ZNF510: variants seen among roughly 807,000 people sequenced by gnomAD.
ZNF510 encodes the protein zinc finger protein 510.
Under a neutral mutation model 18.1 loss-of-function variants are expected in ZNF510, and 15 were observed. The observed-to-expected ratio is 0.83, with a 90% CI of 0.55 to 1.28. The LOEUF (loss-of-function observed/expected upper bound fraction) is 1.28, where lower values mean the gene tolerates loss of function less well. Ranked by LOEUF, ZNF510 falls within the 50% of genes most tolerant of loss-of-function variation. ZNF510 has a pLI of 0.00. For missense variants in ZNF510, 724 were observed against 791.8 expected, an observed-to-expected ratio of 0.91 and a Z score of 1.03; for synonymous variants, 261 against 266.4, an observed-to-expected ratio of 0.98 and a Z score of 0.20.
Position 96,760,125 on chromosome 9 carries a change from G to T in ZNF510, c.705C>A (p.Leu235=). 1 of 1,609,746 alleles carries T rather than the reference G, an allele frequency of 6.2e-7. No individual in the cohort carries two copies. Among genetic ancestry groups the T allele is most frequent in the South Asian group, 1.1e-5 (1 of 89,874 alleles). Residue 235 remains leucine (L), a synonymous_variant, in exon 6 of 6, where the codon CTC becomes CTA. Coordinates refer to ENST00000223428, the MANE Select transcript of ZNF510 (RefSeq NM_014930.3). The part of the protein sequence containing the change: ...FYEHNKNMKA[L]NYNENLPKHP... ...GCTTGGGAAGATTTTCATTATAATT[G>T]AGAGCTTTCATGTTTTTATTATGTT...
Position 96,760,415 on chromosome 9 carries a change from GC to G in ZNF510, c.414del (p.Glu138AspfsTer11). On this transcript the variant is annotated frameshift_variant, in exon 6 of 6. Coordinates refer to ENST00000223428, the MANE Select transcript of ZNF510 (RefSeq NM_014930.3). LOFTEE classifies it low-confidence loss of function (END_TRUNC). ...QNKKIKDKHLEQAICINNKTL... is the reference protein window; with the variant it reads ...QNKKIKDKHLXQAICINNKTL... ...GTTTTATTATTGATACATATTGCTT[GC>G]TCCAAGTGTTTGTCTTTGATTTTCT... The G allele has an allele frequency of 6.2e-7, 1 of 1,612,722 alleles. No individual in the cohort carries two copies. Among genetic ancestry groups the G allele is most frequent in the Non-Finnish European group, 8.5e-7 (1 of 1,179,554 alleles).
At position 96,759,967 on chromosome 9, in the gene ZNF510, C is replaced by T; in HGVS notation, c.863G>A (p.Arg288Lys). Residue 288 changes from arginine (R) to lysine (K), a missense_variant, in exon 6 of 6, where the codon AGG becomes AAG. Arg to Lys is a conservative substitution (Grantham distance 26, BLOSUM62 2). Coordinates refer to ENST00000223428, the MANE Select transcript of ZNF510 (RefSeq NM_014930.3). ...GAGAGTTTTCTTATCACAATTTTTC[C>T]TAAATTCATCATCTTTAGAGGATGT... is the stretch of plus-strand genomic sequence containing the variant. ...GETSSKDDEF[R>K]KNCDKKTLFD... 6.2e-7 allele frequency: 1 copy of T among 1,613,266 alleles called. No homozygotes were observed. Among genetic ancestry groups the T allele is most frequent in the Non-Finnish European group, 8.5e-7 (1 of 1,179,928 alleles).
rs751971498 is a variant in ZNF510, at chr9:96,759,193, C to A, written c.1637G>T (p.Cys546Phe). 9 of 1,613,946 alleles carry A rather than the reference C, an allele frequency of 5.6e-6. No homozygotes were observed. In the East Asian group the frequency reaches 1.1e-4, roughly 20 times the overall value. ...RTHTGEKTYQ[C>F]NECEKSFWRK... ...CCAGAAGGATTTTTCACATTCATTA[C>A]ACTGGTAAGTTTTCTCCCCAGTGTG... Residue 546 changes from cysteine to phenylalanine, a missense_variant, in exon 6 of 6, where the codon TGT becomes TTT. Transcript: ENST00000223428.
chr9:96,759,110 A>G lies in ZNF510; in HGVS notation c.1720T>C (p.Cys574Arg). 6.2e-7 allele frequency: 1 copy of G among 1,614,110 alleles called. No individual in the cohort carries two copies. Among genetic ancestry groups the G allele is most frequent in the Non-Finnish European group, 8.5e-7 (1 of 1,180,000 alleles). The part of the protein sequence containing the change: ...KTHTGEKPFK[C>R]NECGKTFART... The stretch of plus-strand genomic sequence containing the variant: ...GCAAAAGTTTTCCCACATTCGTTAC[A>G]TTTGAATGGTTTCTCTCCCGTGTGA... The change falls in exon 6 of 6, where the codon TGT (cysteine) becomes CGT (arginine). Residue 574 changes from cysteine (C) to arginine (R), a missense_variant. Coordinates refer to ENST00000223428, the MANE Select transcript of ZNF510 (RefSeq NM_014930.3).
chr9:96,762,388 A>G (rs963609953), intron 5 of ZNF510, among the ~76,000 whole-genome samples: 6 of 151,700 alleles, frequency 4.0e-5, no homozygotes, highest in African/African-American at 1.5e-4. Flanking sequence ...AGGTGCCTGT[A>G]CTGCCAGCTA....
Position 96,758,146 on chromosome 9 carries a change from AT to A in ZNF510, c.*631del, listed in dbSNP as rs1849240263. On this transcript the variant is annotated 3_prime_UTR_variant, in exon 6 of 6. Transcript: ENST00000223428. ...AGGGGGGACTACTGTATAAGCTTAA[AT>A]TTTGCTCACATAATGTTCAACTGGG... 1 of 152,250 alleles carries A rather than the reference AT, an allele frequency of 6.6e-6. No homozygotes were observed. Among genetic ancestry groups the A allele is most frequent in the Admixed American group, 6.5e-5 (1 of 15,292 alleles). 9.4% of individuals were successfully genotyped at this position (152,250 alleles called of 1,614,324 possible). A position where few individuals can be genotyped will look rare whatever the true frequency, so the allele number is the denominator to read the frequency against.
At chr9:96,770,612 AAT>A (rs555276089) in intron 3 of ZNF510, among the ~76,000 whole-genome samples, 5,363 of 133,764 alleles carry the variant, frequency 0.04, 228 homozygotes, top group African/African-American at 0.14. Context: ...TCAAAAAAAA[AAT>A]ATATATATAT....
intron 3 of ZNF510, among the ~76,000 whole-genome samples, chr9:96,766,697 C>T (rs571219747): frequency 6.6e-5 from 10 of 152,012 alleles, no homozygotes; most frequent in East Asian, 1.9e-4. Flanking sequence ...AATCATACAG[C>T]GTAGCTTTAG....
intron 3 of ZNF510, among the ~76,000 whole-genome samples, chr9:96,766,723 T>C (rs1299878963): frequency 6.6e-6 from 1 of 152,092 alleles, no homozygotes; most frequent in African/African-American, 2.4e-5. Flanking sequence ...AGCTTAGAGA[T>C]GTAGAGAGCT....
rs138235342 is a variant in ZNF510 at position 96,758,837 on chromosome 9, A to T, written c.1993T>A (p.Cys665Ser). ...SYECNEYGKLCKKSTLSLYQK... is the reference protein window; with the variant it reads ...SYECNEYGKLSKKSTLSLYQK... ...TATAAGCTTAGGGTAGACTTCTTAC[A>T]TAATTTCCCATATTCATTGCATTCA... Residue 665 changes from cysteine (C) to serine (S), a missense_variant, in exon 6 of 6, where the codon TGT becomes AGT. By Grantham distance (112) the Cys-to-Ser change is moderately radical. Transcript: ENST00000223428. 1 of 1,612,918 alleles carries T rather than the reference A, an allele frequency of 6.2e-7. No homozygotes were observed. The highest frequency in any genetic ancestry group is 1.7e-5 in the Admixed American group (1 of 59,944).
intron 2 of ZNF510, 97 bp from the exon 3 acceptor site, chr9:96,774,943 A>C (rs1849659158): frequency 1.0e-6 from 1 of 1,004,238 alleles, no homozygotes; most frequent in South Asian, 1.4e-5. Context: ...GCCTCTCTAC[A>C]AAAAATGTTC....
chr9:96,759,408 G>T lies in ZNF510; in HGVS notation c.1422C>A (p.Thr474=), dbSNP rs560696861. 3.1e-6 allele frequency: 5 copies of T among 1,613,948 alleles called. No individual in the cohort carries two copies. Among genetic ancestry groups the T allele is most frequent in the African/African-American group, 1.3e-5 (1 of 74,892 alleles). ...ECGKTFVQKS[T]LRGHQRIHTG... is the part of the protein sequence containing the mutation. ...TGTGAATTCTTTGATGTCCCCTGAGGGTTGACTTCTGGACAAATGTTTTTC... is the reference window on the plus strand; with the variant it reads ...TGTGAATTCTTTGATGTCCCCTGAGTGTTGACTTCTGGACAAATGTTTTTC... The change falls in exon 6 of 6, where the codon ACC becomes ACA. Residue 474 remains threonine, a synonymous_variant. Coordinates refer to ENST00000223428, the MANE Select transcript of ZNF510 (RefSeq NM_014930.3).
intron 5 of ZNF510, among the ~76,000 whole-genome samples, chr9:96,761,908 C>G (rs1219764130): frequency 6.6e-6 from 1 of 151,876 alleles, no homozygotes; most frequent in East Asian, 1.9e-4. Flanking sequence ...TTATGTATTC[C>G]AGAGAACATA....
chr9:96,773,907 G>A (rs371062439), intron 3 of ZNF510, among the ~76,000 whole-genome samples: 36 of 152,172 alleles, frequency 2.4e-4, no homozygotes, highest in Middle Eastern at 3.4e-3. Context: ...GACTTCACCC[G>A]GCCCCCGATG....
intron 3 of ZNF510, among the ~76,000 whole-genome samples, chr9:96,764,735 T>C (rs1588128306): frequency 6.6e-6 from 1 of 152,196 alleles, no homozygotes; most frequent in East Asian, 1.9e-4. Context: ...GAAAAAGATA[T>C]ACCATATAAT....
At chr9:96,768,154 C>CAG (rs1849514098) in intron 3 of ZNF510, among the ~76,000 whole-genome samples, 3 of 152,066 alleles carry the variant, frequency 2.0e-5, no homozygotes, top group Non-Finnish European at 4.4e-5. Context: ...AAGCATTTGA[C>CAG]AAAAATATCC....
rs1849268124 is a variant in ZNF510, at chr9:96,759,070, A to G, written c.1760T>C (p.Leu587Pro). The G allele has an allele frequency of 6.2e-7, 1 of 1,613,894 alleles. No individual in the cohort carries two copies. The highest frequency in any genetic ancestry group is 1.7e-5 in the Admixed American group (1 of 59,976). Residue 587 changes from leucine to proline, a missense_variant, in exon 6 of 6, where the codon CTC (leucine) becomes CCC (proline). Physicochemically the swap from Leu to Pro is moderately conservative, Grantham distance 98 (BLOSUM62 -3). Coordinates refer to ENST00000223428, the MANE Select transcript of ZNF510 (RefSeq NM_014930.3). ...AGTGTGAATTCTTTGATGCACTCTG[A>G]GGGTTGATGTCCGGGCAAAAGTTTT... ...CGKTFARTST[L>P]RVHQRIHTGE...
At chr9:96,761,365 C>T (rs1006244055) in intron 5 of ZNF510, among the ~76,000 whole-genome samples, 1 of 152,132 alleles carries the variant, frequency 6.6e-6, no homozygotes, top group African/African-American at 2.4e-5. Flanking sequence ...AATGCCTATC[C>T]TTGACAGGTC....
chr9:96,773,324 G>GA (rs1001419335), intron 3 of ZNF510, among the ~76,000 whole-genome samples: 1 of 151,820 alleles, frequency 6.6e-6, no homozygotes, highest in Non-Finnish European at 1.5e-5. Context: ...TTTTTAAAAG[G>GA]AAAAAAGAGT....
Sources: gnomAD v4.1 joint callset for allele counts (sites outside exome capture counted in the v4.1 genomes callset) on GRCh38, gnomAD v4.1.1 for gene constraint, MANE v1.5 for transcripts, NCBI Gene and HGNC (gene_info 2026-07-23, HGNC 2026-07-21) for gene names.